MIA2: variants seen among roughly 807,000 people sequenced by gnomAD.
MIA2 encodes melanoma inhibitory activity protein 2.
A neutral mutation model predicts 167.8 loss-of-function variants in MIA2; 127 were observed. That is an observed-to-expected ratio of 0.76 (90% CI 0.66 to 0.88). The LOEUF (loss-of-function observed/expected upper bound fraction) is 0.88, where lower values mean the gene tolerates loss of function less well. Ranked by LOEUF, MIA2 falls within the 40% of genes least tolerant of loss-of-function variation. The pLI is 0.00. For missense variants in MIA2, 1,690 were observed against 1,624.7 expected (o/e 1.04, Z -0.69); for synonymous variants, 552 against 541.9 (o/e 1.02, Z -0.26).
intron 10 of MIA2, among the ~76,000 whole-genome samples, chr14:39,291,464 A>C (rs1334871479): frequency 2.0e-5 from 3 of 152,224 alleles, no homozygotes; most frequent in Non-Finnish European, 2.9e-5. Context: ...TTACAAACTT[A>C]GGAATAGTTG....
intron 23 of MIA2, among the ~76,000 whole-genome samples, chr14:39,369,224 G>C (rs1330737549): frequency 6.6e-6 from 1 of 152,172 alleles, no homozygotes; most frequent in Non-Finnish European, 1.5e-5. Context: ...AGCAGATAGG[G>C]ATCTGGTTGG....
intron 25 of MIA2, among the ~76,000 whole-genome samples, chr14:39,338,504 A>G (rs946357038): frequency 6.6e-6 from 1 of 152,218 alleles, no homozygotes; most frequent in South Asian, 2.1e-4. Context: ...TTGGTTTTTC[A>G]TAAGTTTAAT....
At chr14:39,352,562 T>G (rs978086809), downstream of MIA2, among the ~76,000 whole-genome samples, 10 of 151,868 alleles carry the variant, frequency 6.6e-5, no homozygotes, top group Non-Finnish European at 1.2e-4. Flanking sequence ...TTGGTATCTG[T>G]GGGGGACTGG....
At chr14:39,246,644 G>A (rs929384014) in intron 3 of MIA2, among the ~76,000 whole-genome samples, 4 of 152,104 alleles carry the variant, frequency 2.6e-5, no homozygotes, top group Non-Finnish European at 5.9e-5. Flanking sequence ...AGCAAGCTGT[G>A]AGCTCTGCTC....
intron 6 of MIA2, among the ~76,000 whole-genome samples, chr14:39,270,806 A>C (rs1038043828): frequency 6.6e-6 from 1 of 152,216 alleles, no homozygotes; most frequent in African/African-American, 2.4e-5. Context: ...TCATTTAAAA[A>C]ATGGGTGGTC....
At chr14:39,244,589 C>G (rs978869757) in intron 3 of MIA2, among the ~76,000 whole-genome samples, 4 of 152,088 alleles carry the variant, frequency 2.6e-5, no homozygotes, top group African/African-American at 7.2e-5. Context: ...AAAACCTAAA[C>G]TTTATTCTCA....
chr14:39,247,409 GAAT>G lies in MIA2; in HGVS notation c.836_838del (p.Glu279_Ser280delinsAla). The stretch of plus-strand genomic sequence containing the variant: ...TGAGCCTCAAACAGAACATCAGCAA[GAAT>G]CTGAATCAGAAATTGATTCAGTGCC... On this transcript the variant is annotated inframe_deletion, in exon 4 of 29. Transcript: ENST00000640607. The G allele has an allele frequency of 6.2e-7, 1 of 1,614,056 alleles. No homozygotes were observed. The highest frequency in any genetic ancestry group is 8.5e-7 in the Non-Finnish European group (1 of 1,179,994).
At chr14:39,285,113 T>G (rs998383239) in intron 9 of MIA2, among the ~76,000 whole-genome samples, 1 of 152,210 alleles carries the variant, frequency 6.6e-6, no homozygotes, top group African/African-American at 2.4e-5. Context: ...AGAATTTTTC[T>G]TAGTACAGAA....
chr14:39,386,239 G>T, intron 23 of MIA2: 1 of 1,422,726 alleles, frequency 7.0e-7, no homozygotes, highest in South Asian at 1.1e-5. Context: ...TTGTATTTTT[G>T]GTAGAGGGTC....
In MIA2 at chr14:39,314,818, G is replaced by GTGTGTGTGTGTC. The variant is rs2065069254; in HGVS notation, c.3180+30_3180+31insCTGTGTGTGTGT. On this transcript the variant is annotated intron_variant, in intron 20 of 28. Coordinates refer to ENST00000640607, the MANE Select transcript of MIA2 (RefSeq NM_001329214.4). Reference sequence around the variant, plus strand: ...AGGGCAGGTATATATATATGTGTGTGTGTGTGTGTGTGTGTGTGTATATAT... The same window carrying GTGTGTGTGTGTC: ...AGGGCAGGTATATATATATGTGTGTGTGTGTGTGTGTCTGTGTGTGTGTGTGTGTGTATATAT... 1 of 1,171,474 alleles carries GTGTGTGTGTGTC rather than the reference G, an allele frequency of 8.5e-7. No homozygotes were observed. Among genetic ancestry groups the GTGTGTGTGTGTC allele is most frequent in the Non-Finnish European group, 1.2e-6 (1 of 846,040 alleles). 72.6% of individuals were successfully genotyped at this position (1,171,474 alleles called of 1,614,324 possible). A position where few individuals can be genotyped will look rare whatever the true frequency, so the allele number is the denominator to read the frequency against.
chr14:39,366,332 G>A (rs1474967097), intron 23 of MIA2, among the ~76,000 whole-genome samples: 1 of 152,078 alleles, frequency 6.6e-6, no homozygotes, highest in Admixed American at 6.5e-5. Flanking sequence ...GTTGGGTGCT[G>A]GTAGTTGCAT....
chr14:39,247,814 CCT>C lies in MIA2; in HGVS notation c.1243_1244del (p.Leu415AsnfsTer3). Reference protein sequence around the residue: ...EDGGADEHEHPLTSELDPEKE... With the variant: ...EDGGADEHEHXLTSELDPEKE... ...TGGTGGGGCAGATGAACATGAACAT[CCT>C]CTAACAAGTGAATTAGACCCTGAAA... is the stretch of plus-strand genomic sequence containing the variant. On this transcript the variant is annotated frameshift_variant, in exon 4 of 29. Coordinates refer to ENST00000640607, the MANE Select transcript of MIA2 (RefSeq NM_001329214.4). LOFTEE classifies it high-confidence loss of function. 1 of 1,607,402 alleles carries C rather than the reference CCT, an allele frequency of 6.2e-7. No individual in the cohort carries two copies. The highest frequency in any genetic ancestry group is 8.5e-7 in the Non-Finnish European group (1 of 1,178,466).
chr14:39,322,216 A>G (rs894690490), intron 24 of MIA2, among the ~76,000 whole-genome samples: 2 of 152,120 alleles, frequency 1.3e-5, no homozygotes, highest in Non-Finnish European at 2.9e-5. Flanking sequence ...CAGATTTTTG[A>G]TGGGAACCTT....
At chr14:39,264,399 A>G (rs2055321842) in intron 6 of MIA2, among the ~76,000 whole-genome samples, 2 of 152,222 alleles carry the variant, frequency 1.3e-5, no homozygotes, top group South Asian at 4.1e-4. Flanking sequence ...TAGTGCTGCA[A>G]TGAACATGAG....
At chr14:39,367,605 C>A (rs1485267896) in intron 23 of MIA2, among the ~76,000 whole-genome samples, 2 of 152,196 alleles carry the variant, frequency 1.3e-5, no homozygotes, top group Non-Finnish European at 2.9e-5. Context: ...CTTTGGGCAC[C>A]CAGCTGAGCT....
intron 6 of MIA2, among the ~76,000 whole-genome samples, chr14:39,256,562 G>GA (rs1197086574): frequency 2.6e-5 from 4 of 151,868 alleles, no homozygotes; most frequent in African/African-American, 7.2e-5. Context: ...AAAAGCAATG[G>GA]AAAATTAAAG....
intron 25 of MIA2, among the ~76,000 whole-genome samples, chr14:39,344,934 G>A (rs2072891715): frequency 6.6e-6 from 1 of 152,102 alleles, no homozygotes; most frequent in African/African-American, 2.4e-5. Context: ...AATCACCCCT[G>A]GGGACAAAGG....
chr14:39,312,077 C>G (rs915591221), intron 18 of MIA2, among the ~76,000 whole-genome samples: 1 of 152,104 alleles, frequency 6.6e-6, no homozygotes, highest in Admixed American at 6.6e-5. Context: ...ATCTGCCCAC[C>G]TCTGCCTCCC....
chr14:39,302,442 C>G (rs181901141), intron 15 of MIA2, among the ~76,000 whole-genome samples, 193 bp downstream of exon 15: 154 of 152,286 alleles, frequency 1.0e-3, no homozygotes, highest in African/African-American at 3.5e-3. Context: ...TTCAGTAAGT[C>G]TTTCTCCAGC....
Sources: gnomAD v4.1 joint callset for allele counts (sites outside exome capture counted in the v4.1 genomes callset) on GRCh38, gnomAD v4.1.1 for gene constraint, MANE v1.5 for transcripts, NCBI Gene and HGNC (gene_info 2026-07-23, HGNC 2026-07-21) for gene names.